SHROOM2: variants seen among roughly 807,000 people sequenced by gnomAD.
SHROOM2 encodes protein Shroom2.
In SHROOM2, 33 loss-of-function variants were observed where a neutral mutation model predicts 75.9. The ratio of observed to expected loss-of-function variants is 0.43; its 90% CI spans 0.33 to 0.58. SHROOM2 has a LOEUF of 0.58. SHROOM2 is among the 20% of genes least tolerant of loss of function. The pLI is 0.04. For missense variants in SHROOM2, 1,434 were observed against 1,461.2 expected (o/e 0.98, Z 0.30); for synonymous variants, 655 against 663.6 (o/e 0.99, Z 0.20).
chrX:9,923,900 G>A (rs953604946), intron 5 of SHROOM2, among the ~76,000 whole-genome samples: 3 of 112,123 alleles, frequency 2.7e-5, no homozygotes, highest in African/African-American at 6.5e-5. Context: ...AACCACAAGT[G>A]ATTTATCAGC....
At chrX:9,882,887 A>C (rs1236602265) in intron 2 of SHROOM2, among the ~76,000 whole-genome samples, 2 of 112,418 alleles carry the variant, frequency 1.8e-5, no homozygotes, top group Non-Finnish European at 3.8e-5. Flanking sequence ...GTTTAAAAGC[A>C]GGAACTACTT....
intron 1 of SHROOM2, among the ~76,000 whole-genome samples, chrX:9,861,107 T>C (rs1368268497): frequency 2.7e-5 from 3 of 112,370 alleles, no homozygotes; most frequent in Non-Finnish European, 5.6e-5. Flanking sequence ...TTATAGTTAA[T>C]GCTACTGAAC....
intron 8 of SHROOM2, among the ~76,000 whole-genome samples, chrX:9,939,796 C>CT (rs1033382406): frequency 9.0e-6 from 1 of 110,901 alleles, no homozygotes; most frequent in Non-Finnish European, 1.9e-5. Context: ...AAAGTGGTAA[C>CT]TTTTTTTTGA....
Position 9,879,504 on chromosome X carries a change from GC to G in SHROOM2, c.317+5705del, listed in dbSNP as rs1016647725. ...TTGAACTCCTGGCCTCAAGAAATCT[GC>G]CCCACTTGGCCTGCCAAAGTGCTGG... On this transcript the variant is annotated intron_variant, in intron 2 of 9. Coordinates refer to ENST00000380913, the MANE Select transcript of SHROOM2 (RefSeq NM_001649.4). 4.5e-5 allele frequency among the ~76,000 whole-genome samples: 5 copies of G among 111,983 alleles called. No individual in the cohort carries two copies. The Admixed American group carries it at 4.7e-4, about 11-fold the overall frequency.
At chrX:9,908,992 C>T (rs1342324157) in intron 5 of SHROOM2, among the ~76,000 whole-genome samples, 1 of 85,772 alleles carries the variant, frequency 1.2e-5, no homozygotes, top group East Asian at 8.2e-4. Flanking sequence ...AATAAAAAAA[C>T]AGGATTCCTA....
intron 2 of SHROOM2, among the ~76,000 whole-genome samples, chrX:9,882,462 C>T (rs2084237280): frequency 9.0e-6 from 1 of 111,412 alleles, no homozygotes; most frequent in South Asian, 3.8e-4. Flanking sequence ...TGGTTGAACA[C>T]AAGTGGTTTG....
rs1484464633 is a variant in SHROOM2, at chrX:9,895,799, C to T, written c.1891C>T (p.Arg631Trp). ...AAGCGACCGCTTTGCCACCACCCTG[C>T]GGAATGAGATCCAGATGCATAGAGC... ...RRSDRFATTL[R>W]NEIQMHRAKL... Residue 631 changes from arginine (R) to tryptophan (W), a missense_variant, in exon 4 of 10, where the codon CGG becomes TGG. Transcript: ENST00000380913. 9 of 1,202,564 alleles carry T rather than the reference C, an allele frequency of 7.5e-6. 1 individual carries two copies. Among genetic ancestry groups the T allele is most frequent in the South Asian group, 7.2e-5 (4 of 55,659 alleles).
Position 9,795,117 on chromosome X carries a change from C to CTTTCTTTCTTTCTTTCT in SHROOM2, c.165+8410_165+8411insCTTTCTTTCTTTCTTTT, listed in dbSNP as rs141883410. Among the ~76,000 whole-genome samples the CTTTCTTTCTTTCTTTCT allele has an allele frequency of 8.4e-4, 87 of 103,616 alleles. 1 individual carries two copies. Among genetic ancestry groups the CTTTCTTTCTTTCTTTCT allele is most frequent in the Middle Eastern group, 5.1e-3 (1 of 198 alleles). The allele number at this position is 103,616 out of a possible 115,157, so 90.0% of individuals were successfully genotyped here. Reference sequence around the variant, plus strand: ...TTTCTTTTTCTTTCTTTCTTTCTTTCTTTTTTTTTTGAAGAGACAGGGTCT... The same window carrying CTTTCTTTCTTTCTTTCT: ...TTTCTTTTTCTTTCTTTCTTTCTTTCTTTCTTTCTTTCTTTCTTTTTTTTTTTGAAGAGACAGGGTCT... On this transcript the variant is annotated intron_variant, in intron 1 of 9. Coordinates refer to ENST00000380913, the MANE Select transcript of SHROOM2 (RefSeq NM_001649.4).
At chrX:9,803,079 C>A (rs7876240) in intron 1 of SHROOM2, among the ~76,000 whole-genome samples, 7,663 of 107,105 alleles carry the variant, frequency 0.072, 241 homozygotes, top group South Asian at 0.11. Flanking sequence ...CAGGCACACA[C>A]CACCCCAACT....
intron 1 of SHROOM2, among the ~76,000 whole-genome samples, chrX:9,866,620 A>C (rs1569153661): frequency 9.0e-6 from 1 of 111,113 alleles, no homozygotes; most frequent in East Asian, 2.9e-4. Flanking sequence ...GGTAGTGCCC[A>C]TCAGGGTCGT....
intron 6 of SHROOM2, 109 bp from the exon 7 acceptor site, chrX:9,937,019 GCTGGCT>G (rs1430927391): frequency 1.3e-6 from 1 of 753,346 alleles, no homozygotes; most frequent in East Asian, 3.6e-5. Context: ...GAGTTGGGTG[GCTGGCT>G]AGTGCCTTTG....
intron 6 of SHROOM2, among the ~76,000 whole-genome samples, chrX:9,936,693 C>T (rs980369945): frequency 4.5e-5 from 5 of 111,723 alleles, no homozygotes; most frequent in Admixed American, 2.9e-4. Context: ...CGCAGGAACC[C>T]GCGGGCCTGC....
chrX:9,835,291 T>A (rs958596361), intron 1 of SHROOM2, among the ~76,000 whole-genome samples: 1 of 111,954 alleles, frequency 8.9e-6, no homozygotes, highest in Non-Finnish European at 1.9e-5. Context: ...CAGATGTGTA[T>A]GGGGCAAATA....
chrX:9,850,537 G>A lies in SHROOM2; in HGVS notation c.166-23115G>A, dbSNP rs1305834108. 2.7e-5 allele frequency among the ~76,000 whole-genome samples: 3 copies of A among 111,471 alleles called. No individual in the cohort carries two copies. In the East Asian group the frequency reaches 8.5e-4, roughly 31 times the overall value. On this transcript the variant is annotated intron_variant, in intron 1 of 9. Coordinates refer to ENST00000380913, the MANE Select transcript of SHROOM2 (RefSeq NM_001649.4). The stretch of plus-strand genomic sequence containing the variant: ...ATGCCCCTTCTCTGTGGCACCCCAT[G>A]TCCTTATGAAAATGACCTAAGCCAG...
intron 1 of SHROOM2, among the ~76,000 whole-genome samples, chrX:9,787,992 C>CTTTTTTTTTTTTTTTTTTTTTTTTT (rs58004470): frequency 2.4e-5 from 2 of 84,232 alleles, no homozygotes; most frequent in African/African-American, 8.4e-5. Flanking sequence ...TTTCTTTCTT[C>CTTTTTTTTTTTTTTTTTTTTTTTTT]TTTTTTTTTT....
chrX:9,819,569 CA>C (rs1213975983), intron 1 of SHROOM2: 7 of 163,738 alleles, frequency 4.3e-5, no homozygotes, highest in Admixed American at 2.0e-4. Flanking sequence ...TAAACAACTG[CA>C]AAAGTTCTCG....
At chrX:9,791,627 C>G (rs756329660) in intron 1 of SHROOM2, among the ~76,000 whole-genome samples, 2 of 111,737 alleles carry the variant, frequency 1.8e-5, no homozygotes, top group Non-Finnish European at 3.8e-5. Context: ...ACATGCAAGC[C>G]GAAAACTTTA....
rs2084839136 is a variant in SHROOM2 at position 9,948,174 on chromosome X, A to C, written c.*1237A>C. 1 of 112,484 alleles carries C rather than the reference A, an allele frequency of 8.9e-6. No individual in the cohort carries two copies. Among genetic ancestry groups the C allele is most frequent in the African/African-American group, 3.2e-5 (1 of 30,979 alleles). 9.3% of individuals were successfully genotyped at this position (112,484 alleles called of 1,213,427 possible). Reference sequence around the variant, plus strand: ...TAAGAAAACAAACAGCCCAAGTGAAAAGCAGGCAAAAGACTTGAATAGACA... The same window carrying C: ...TAAGAAAACAAACAGCCCAAGTGAACAGCAGGCAAAAGACTTGAATAGACA... On this transcript the variant is annotated 3_prime_UTR_variant, in exon 10 of 10. Coordinates refer to ENST00000380913, the MANE Select transcript of SHROOM2 (RefSeq NM_001649.4).
Position 9,946,974 on chromosome X carries a change from C to T in SHROOM2, c.*37C>T, listed in dbSNP as rs2084827061. On this transcript the variant is annotated 3_prime_UTR_variant, in exon 10 of 10. Coordinates refer to ENST00000380913, the MANE Select transcript of SHROOM2 (RefSeq NM_001649.4). ...CCGGTGGAGGAGGGGCACGGGGCCT[C>T]CGAGCTCCAGCTCCGTTCCCAAGGA... 11 of 1,151,571 alleles carry T rather than the reference C, an allele frequency of 9.6e-6. No homozygotes were observed. Among genetic ancestry groups the T allele is most frequent in the Middle Eastern group, 2.8e-4 (1 of 3,518 alleles). The allele number at this position is 1,151,571 out of a possible 1,213,427, so 94.9% of individuals were successfully genotyped here.
Sources: gnomAD v4.1 joint callset for allele counts (sites outside exome capture counted in the v4.1 genomes callset) on GRCh38, gnomAD v4.1.1 for gene constraint, MANE v1.5 for transcripts, NCBI Gene and HGNC (gene_info 2026-07-23, HGNC 2026-07-21) for gene names.